Variants in SEMA3D observed in about 807,000 individuals in gnomAD.
SEMA3D encodes semaphorin 3D, also known as semaphorin-3D.
SEMA3D carries 84 observed loss-of-function variants against 100.1 expected under a neutral mutation model. That is an observed-to-expected ratio of 0.84 (90% CI 0.70 to 1.01). The LOEUF is 1.01. Ranked by LOEUF, SEMA3D falls within the 50% of genes least tolerant of loss-of-function variation. The probability of loss-of-function intolerance (pLI) is 0.00; values close to 1 mark genes in which losing one functional copy is unlikely to be tolerated. For synonymous variants in SEMA3D, 312 were observed against 320.7 expected (o/e 0.97, Z 0.29); for missense variants, 875 against 934.1 (o/e 0.94, Z 0.82).
intron 4 of SEMA3D, among the ~76,000 whole-genome samples, chr7:85,082,798 C>T (rs374570998): frequency 1.3e-5 from 2 of 152,124 alleles, no homozygotes; most frequent in African/African-American, 4.8e-5. Context: ...GATTTTAAAC[C>T]GGAGCAAGAT....
At chr7:85,237,404 A>G in the SEMA3D span, among the ~76,000 whole-genome samples, 14 of 152,190 alleles carry the variant, frequency 9.2e-5, no homozygotes, top group Non-Finnish European at 1.9e-4. Context: ...CATACAGAAC[A>G]GTTTCTCTGC....
At chr7:85,015,545 C>T (rs959121167) in intron 15 of SEMA3D, among the ~76,000 whole-genome samples, 8 of 151,798 alleles carry the variant, frequency 5.3e-5, no homozygotes, top group African/African-American at 1.7e-4. Context: ...GAGATTATGT[C>T]CAGCACAGAT....
chr7:85,037,368 G>A (rs546519186), intron 11 of SEMA3D, among the ~76,000 whole-genome samples: 16 of 152,252 alleles, frequency 1.1e-4, no homozygotes, highest in African/African-American at 3.4e-4. Flanking sequence ...ACAAACCCTG[G>A]AGGATAAAGA....
chr7:85,210,795 C>G, the SEMA3D span, among the ~76,000 whole-genome samples: 1 of 152,016 alleles, frequency 6.6e-6, no homozygotes, highest in Non-Finnish European at 1.5e-5. Flanking sequence ...GTGTGATCCT[C>G]AACACCATTA....
intron 3 of SEMA3D, among the ~76,000 whole-genome samples, chr7:85,117,406 A>G (rs1471791308): frequency 6.6e-6 from 1 of 152,224 alleles, no homozygotes; most frequent in Non-Finnish European, 1.5e-5. Flanking sequence ...GGCTTGTTAT[A>G]CAGCAATAGT....
At chr7:85,224,534 A>T in the SEMA3D span, among the ~76,000 whole-genome samples, 1 of 152,226 alleles carries the variant, frequency 6.6e-6, no homozygotes, top group Non-Finnish European at 1.5e-5. Flanking sequence ...GGTCAAAAAA[A>T]GTTGTGTAAA....
At chr7:85,176,651 G>A (rs1463375790) in intron 1 of SEMA3D, among the ~76,000 whole-genome samples, 1 of 151,996 alleles carries the variant, frequency 6.6e-6, no homozygotes, top group Admixed American at 6.6e-5. Flanking sequence ...CTTTGGGTCT[G>A]ACTGAAGGAA....
Position 85,151,776 on chromosome 7 carries a change from T to C in SEMA3D, c.-41+1832A>G, listed in dbSNP as rs115912044. On this transcript the variant is annotated intron_variant, in intron 2 of 18. Coordinates refer to ENST00000284136, the MANE Select transcript of SEMA3D (RefSeq NM_001384900.1). Reference sequence around the variant, plus strand: ...TTGACCTGAAGTAGAACTTAAACTATTATATTAGAAGAAAATTTTAAATTC... The same window carrying C: ...TTGACCTGAAGTAGAACTTAAACTACTATATTAGAAGAAAATTTTAAATTC... 1,369 of 836,200 alleles carry C rather than the reference T, an allele frequency of 1.6e-3. 20 individuals carry two copies. The African/African-American group carries it at 0.024, about 15-fold the overall frequency. The allele number at this position is 836,200 out of a possible 1,614,324, so 51.8% of individuals were successfully genotyped here.
the SEMA3D span, among the ~76,000 whole-genome samples, chr7:85,249,890 C>G: frequency 3.9e-5 from 6 of 152,116 alleles, no homozygotes; most frequent in East Asian, 1.2e-3. Context: ...AGGAACAGCT[C>G]CAGTCTACAG....
At chr7:85,164,409 A>C (rs1312181908) in intron 1 of SEMA3D, among the ~76,000 whole-genome samples, 1 of 152,152 alleles carries the variant, frequency 6.6e-6, no homozygotes, top group Non-Finnish European at 1.5e-5. Context: ...CTTAAAATCT[A>C]AGCAGATAGA....
the SEMA3D span, among the ~76,000 whole-genome samples, chr7:85,205,203 T>G: frequency 6.6e-6 from 1 of 152,110 alleles, no homozygotes; most frequent in African/African-American, 2.4e-5. Context: ...GAAATATGGT[T>G]TACAGATATT....
the SEMA3D span, among the ~76,000 whole-genome samples, chr7:85,244,052 A>T: frequency 1.3e-5 from 2 of 152,150 alleles, no homozygotes; most frequent in East Asian, 1.9e-4. Context: ...ATAAGAGAAT[A>T]CCCAAGGCTA....
intron 18 of SEMA3D, among the ~76,000 whole-genome samples, chr7:85,003,458 A>G (rs1402200620): frequency 6.6e-6 from 1 of 152,080 alleles, no homozygotes; most frequent in African/African-American, 2.4e-5. Context: ...AGAAAAATAT[A>G]TAATTGCTGT....
At chr7:85,194,565 G>C in the SEMA3D span, among the ~76,000 whole-genome samples, 1 of 151,994 alleles carries the variant, frequency 6.6e-6, no homozygotes, top group African/African-American at 2.4e-5. Flanking sequence ...GCCATTTAAC[G>C]TTTTAATCAT....
Position 85,040,721 on chromosome 7 carries a change from G to C in SEMA3D, c.998C>G (p.Thr333Arg), listed in dbSNP as rs1386287454. The C allele has an allele frequency of 2.1e-6, 3 of 1,446,598 alleles. No homozygotes were observed. Among genetic ancestry groups the C allele is most frequent in the Non-Finnish European group, 2.9e-6 (3 of 1,030,528 alleles). 89.6% of individuals were successfully genotyped at this position (1,446,598 alleles called of 1,614,324 possible). A position where few individuals can be genotyped will look rare whatever the true frequency, so the allele number is the denominator to read the frequency against. Residue 333 changes from threonine (T) to arginine (R), a missense_variant, in exon 11 of 19, where the codon ACA becomes AGA. Coordinates refer to ENST00000284136, the MANE Select transcript of SEMA3D (RefSeq NM_001384900.1). ...DELQDIYLLP[T>R]RDERNPVVYG... The stretch of plus-strand genomic sequence containing the variant: ...TACTACAGGATTTCTTTCATCTCTT[G>C]TGGGGAGTAAATAAATATCTTCTAT...
At chr7:85,068,920 T>C (rs1335982490) in intron 6 of SEMA3D, among the ~76,000 whole-genome samples, 1 of 152,172 alleles carries the variant, frequency 6.6e-6, no homozygotes, top group Non-Finnish European at 1.5e-5. Flanking sequence ...TCTATTTTTA[T>C]AATAGTGACC....
In SEMA3D at chr7:84,999,874, T is replaced by A; in HGVS notation, c.1909-9A>T. On this transcript the variant is annotated splice_polypyrimidine_tract_variant and intron_variant, in intron 18 of 18. Transcript: ENST00000284136. ...CTTTCATCGGGCTTCAACTGCAGAA[T>A]TGGAAAAATGTAGGTAATAAATTAA... The A allele has an allele frequency of 1.2e-6, 2 of 1,608,732 alleles. No individual in the cohort carries two copies. The highest frequency in any genetic ancestry group is 1.7e-6 in the Non-Finnish European group (2 of 1,176,788).
Position 84,999,710 on chromosome 7 carries a change from C to G in SEMA3D, c.2064G>C (p.Gln688His). ...KLTLNVIENE[Q>H]MENTQRAEHE... ...GCTCTGCCCTCTGGGTATTTTCCATCTGTTCATTCTCAATGACATTCAAAG... is the reference window on the plus strand; with the variant it reads ...GCTCTGCCCTCTGGGTATTTTCCATGTGTTCATTCTCAATGACATTCAAAG... The change falls in exon 19 of 19, where the codon CAG (glutamine) becomes CAC (histidine). Residue 688 changes from glutamine (Q) to histidine (H), a missense_variant. Transcript: ENST00000284136. 1 of 1,614,040 alleles carries G rather than the reference C, an allele frequency of 6.2e-7. No homozygotes were observed.
intron 2 of SEMA3D, among the ~76,000 whole-genome samples, chr7:85,146,430 T>C (rs1329262541): frequency 1.3e-5 from 2 of 151,836 alleles, no homozygotes; most frequent in Non-Finnish European, 2.9e-5. Context: ...TGGCAGGACC[T>C]GTAACCCCAG....
Sources: gnomAD v4.1 joint callset for allele counts (sites outside exome capture counted in the v4.1 genomes callset) on GRCh38, gnomAD v4.1.1 for gene constraint, MANE v1.5 for transcripts, NCBI Gene and HGNC (gene_info 2026-07-23, HGNC 2026-07-21) for gene names.